The following FAM178B variants were observed in gnomAD, a reference collection of about 807,000 sequenced individuals.
FAM178B encodes the protein protein FAM178B.
FAM178B carries 82 observed loss-of-function variants against 91.7 expected under a neutral mutation model. The ratio of observed to expected loss-of-function variants is 0.89; its 90% confidence interval spans 0.75 to 1.07. The LOEUF is 1.07. Ranked by LOEUF, FAM178B falls within the 50% of genes least tolerant of loss-of-function variation. The pLI is 0.00. For synonymous variants in FAM178B, 368 were observed against 359.4 expected, an observed-to-expected ratio of 1.02 and a Z score of -0.27; for missense variants, 769 against 846.7, an observed-to-expected ratio of 0.91 and a Z score of 1.14.
chr2:96,895,102 GTCTTC>G (rs2080794936), intron 13 of FAM178B: 2 of 1,289,370 alleles, frequency 1.6e-6, no homozygotes, highest in African/African-American at 3.0e-5. Context: ...CCTGGCCTGT[GTCTTC>G]AGCCCCTGCC....
intron 5 of FAM178B, among the ~76,000 whole-genome samples, chr2:96,962,099 C>T (rs1574307505): frequency 6.6e-6 from 1 of 152,184 alleles, no homozygotes; most frequent in East Asian, 1.9e-4. Context: ...GTCGGGAGTT[C>T]AAGACCAGCC....
intron 6 of FAM178B, among the ~76,000 whole-genome samples, chr2:96,957,625 A>G (rs1160489731): frequency 1.3e-5 from 2 of 152,226 alleles, no homozygotes; most frequent in Non-Finnish European, 2.9e-5. Flanking sequence ...ACTCTAGGAC[A>G]GAAAACCTGC....
rs185372776 is a variant in FAM178B, at chr2:96,936,233, G to A, written c.1079-6913C>T. Among the ~76,000 whole-genome samples the A allele has an allele frequency of 8.8e-4, 134 of 151,838 alleles. 1 individual carries two copies. Among genetic ancestry groups the A allele is most frequent in the Non-Finnish European group, 1.6e-3 (108 of 67,942 alleles). On this transcript the variant is annotated intron_variant, in intron 8 of 16. Transcript: ENST00000490605. The stretch of plus-strand genomic sequence containing the variant: ...TTATTTATTTTTGAGACGGAGTCTC[G>A]CTCTGTTGCCCAGGCTGGGGTGCAG...
At chr2:96,928,154 G>A (rs553801439) in intron 9 of FAM178B, among the ~76,000 whole-genome samples, 1 of 152,264 alleles carries the variant, frequency 6.6e-6, no homozygotes, top group East Asian at 1.9e-4. Flanking sequence ...ACATCTGCCC[G>A]CCGAGGCGAG....
intron 13 of FAM178B, among the ~76,000 whole-genome samples, chr2:96,898,723 G>A (rs1039936188): frequency 1.3e-5 from 2 of 152,158 alleles, no homozygotes. Flanking sequence ...TGTAAAATAT[G>A]GATGACAGTA....
intron 14 of FAM178B, among the ~76,000 whole-genome samples, chr2:96,879,626 C>T (rs1423635504): frequency 6.6e-6 from 1 of 152,266 alleles, no homozygotes. Context: ...CAGCGCCCAC[C>T]CTGCCTGGGA....
chr2:96,926,147 T>C (rs898590442), intron 9 of FAM178B, among the ~76,000 whole-genome samples: 1 of 152,116 alleles, frequency 6.6e-6, no homozygotes, highest in Non-Finnish European at 1.5e-5. Context: ...CTACTAAAAA[T>C]ACAAAAATTA....
chr2:96,986,126 G>A, intron 1 of FAM178B, 115 bp downstream of exon 1: 3 of 1,483,482 alleles, frequency 2.0e-6, no homozygotes, highest in South Asian at 1.3e-5. Flanking sequence ...GTAGCCCGGC[G>A]GCCGCACCGG....
chr2:96,986,568 G>A lies in FAM178B; in HGVS notation c.-255C>T, dbSNP rs1234284785. On this transcript the variant is annotated 5_prime_UTR_variant, in exon 1 of 17. Coordinates refer to ENST00000490605, the MANE Select transcript of FAM178B (RefSeq NM_001122646.3). ...GCCGCCGCCGCCAGCTGGGGAGCTC[G>A]CCGGCCAAGTGCGCACCCTCTTCCT... is the stretch of plus-strand genomic sequence containing the variant. 1 of 496,006 alleles carries A rather than the reference G, an allele frequency of 2.0e-6. No individual in the cohort carries two copies. The highest frequency in any genetic ancestry group is 3.6e-6 in the Non-Finnish European group (1 of 275,964). 30.7% of individuals were successfully genotyped at this position (496,006 alleles called of 1,614,324 possible).
intron 5 of FAM178B, among the ~76,000 whole-genome samples, chr2:96,963,568 C>T (rs1485072351): frequency 2.0e-5 from 3 of 152,192 alleles, no homozygotes; most frequent in Non-Finnish European, 4.4e-5. Flanking sequence ...TCTCTTTGTC[C>T]ACCTGGGACG....
intron 13 of FAM178B, among the ~76,000 whole-genome samples, chr2:96,894,667 C>T: frequency 1.1e-5 from 1 of 90,096 alleles, no homozygotes; most frequent in African/African-American, 4.6e-5. Context: ...CCACACCCCC[C>T]TACAGACCCC....
chr2:96,982,159 T>C (rs915756120), intron 1 of FAM178B, among the ~76,000 whole-genome samples: 3 of 152,244 alleles, frequency 2.0e-5, no homozygotes, highest in African/African-American at 7.2e-5. Context: ...TATTTCACAC[T>C]TGGATCCATA....
chr2:96,942,304 C>A (rs971493314), intron 8 of FAM178B, among the ~76,000 whole-genome samples: 1 of 152,196 alleles, frequency 6.6e-6, no homozygotes, highest in African/African-American at 2.4e-5. Flanking sequence ...AGATCCAAGA[C>A]AATCACTATT....
At chr2:96,898,455 G>C (rs1335730066) in intron 13 of FAM178B, among the ~76,000 whole-genome samples, 1 of 152,142 alleles carries the variant, frequency 6.6e-6, no homozygotes, top group African/African-American at 2.4e-5. Context: ...AGGAGTTTGT[G>C]ACCACCCTTG....
intron 13 of FAM178B, among the ~76,000 whole-genome samples, chr2:96,902,123 T>TTTTTTTTTTG: frequency 6.8e-6 from 1 of 146,096 alleles, no homozygotes; most frequent in South Asian, 2.1e-4. Context: ...TTTTTTTTTT[T>TTTTTTTTTTG]GAGATGGAGT....
rs1171760308 is a variant in FAM178B at position 96,916,409 on chromosome 2, C to T, written c.1562+4756G>A. Among the ~76,000 whole-genome samples the T allele has an allele frequency of 2.0e-5, 3 of 152,348 alleles. No individual in the cohort carries two copies. In the East Asian group the frequency reaches 5.8e-4, roughly 29 times the overall value. On this transcript the variant is annotated intron_variant, in intron 12 of 16. Transcript: ENST00000490605. The stretch of plus-strand genomic sequence containing the variant: ...TCCATTCCTCCATCTGACCAGGCAG[C>T]CTGCGGGAGCTGGCTTCATCTGACC...
chr2:96,967,339 T>C (rs1166178639), intron 5 of FAM178B, among the ~76,000 whole-genome samples, 181 bp downstream of exon 5: 3 of 152,214 alleles, frequency 2.0e-5, no homozygotes, highest in Non-Finnish European at 4.4e-5. Flanking sequence ...GCACAGTAGG[T>C]GATCAGATCT....
intron 8 of FAM178B, among the ~76,000 whole-genome samples, chr2:96,942,373 A>T (rs2081746968): frequency 6.6e-6 from 1 of 152,194 alleles, no homozygotes; most frequent in South Asian, 2.1e-4. Flanking sequence ...TTCACATGGA[A>T]ATGGAAAGGA....
intron 14 of FAM178B, among the ~76,000 whole-genome samples, chr2:96,886,732 C>A (rs1255249692): frequency 6.6e-6 from 1 of 152,208 alleles, no homozygotes; most frequent in African/African-American, 2.4e-5. Context: ...GGCCTGGGAG[C>A]TGTTCCTGCA....
Sources: allele counts gnomAD v4.1 joint callset (sites outside exome capture counted in the v4.1 genomes callset), GRCh38; gene constraint gnomAD v4.1.1; transcripts MANE v1.5; gene names NCBI Gene and HGNC (gene_info 2026-07-23, HGNC 2026-07-21).